Variants in LAPTM4B observed in about 807,000 individuals in gnomAD.
LAPTM4B encodes lysosomal-associated transmembrane protein 4B.
LAPTM4B carries 26 observed loss-of-function variants against 28.5 expected under a neutral mutation model. The observed-to-expected ratio is 0.91, with a 90% CI of 0.67 to 1.27. LAPTM4B has a LOEUF of 1.27. Among genes scored for constraint, LAPTM4B ranks in the 50% most tolerant of loss-of-function variants. The pLI is 0.00. For synonymous variants in LAPTM4B, 109 were observed against 106.4 expected, an observed-to-expected ratio of 1.02 and a Z score of -0.15; for missense variants, 288 against 285.8, an observed-to-expected ratio of 1.01 and a Z score of -0.06.
intron 5 of LAPTM4B, among the ~76,000 whole-genome samples, chr8:97,822,981 A>T (rs939544412): frequency 5.3e-4 from 80 of 152,052 alleles, no homozygotes; most frequent in Middle Eastern, 6.8e-3. Context: ...AGTTGGGACT[A>T]CAGGCGCCTG....
At chr8:97,807,028 A>T (rs1288193777) in intron 2 of LAPTM4B, among the ~76,000 whole-genome samples, 1 of 152,156 alleles carries the variant, frequency 6.6e-6, no homozygotes, top group Non-Finnish European at 1.5e-5. Context: ...AGGCCTCCCC[A>T]GCCATGTGGA....
intron 1 of LAPTM4B, among the ~76,000 whole-genome samples, chr8:97,800,254 C>CGG (rs569864558): frequency 6.6e-6 from 1 of 152,044 alleles, no homozygotes. Context: ...ACTGAGAGTG[C>CGG]GGGGAAAGCA....
chr8:97,784,451 G>GT (rs994042040), intron 1 of LAPTM4B, among the ~76,000 whole-genome samples: 1 of 152,040 alleles, frequency 6.6e-6, no homozygotes. Flanking sequence ...GTTTTGTTTT[G>GT]TTTTTTGAGA....
Position 97,845,021 on chromosome 8 carries a change from C to T in LAPTM4B, c.604-6376C>T, listed in dbSNP as rs142141972. Among the ~76,000 whole-genome samples the T allele has an allele frequency of 5.4e-3, 824 of 152,282 alleles. 5 individuals carry two copies. The highest frequency in any genetic ancestry group is 0.019 in the African/African-American group (783 of 41,556). ...CCCATCCTCCACTTTTTCACCCCAG[C>T]AGAAAGCACCCTCAACTCTTTCACT... On this transcript the variant is annotated intron_variant, in intron 6 of 6. Coordinates refer to ENST00000521545, the MANE Select transcript of LAPTM4B (RefSeq NM_018407.6).
intron 1 of LAPTM4B, among the ~76,000 whole-genome samples, chr8:97,792,619 G>A (rs932294553): frequency 1.3e-5 from 2 of 151,182 alleles, no homozygotes; most frequent in Non-Finnish European, 2.9e-5. Context: ...TCTCTCTGTA[G>A]CGCAGGCTGC....
intron 5 of LAPTM4B, among the ~76,000 whole-genome samples, chr8:97,824,601 T>A (rs1817065091): frequency 6.6e-6 from 1 of 152,208 alleles, no homozygotes; most frequent in South Asian, 2.1e-4. Flanking sequence ...CTATGAAATT[T>A]TTAAAAAAAT....
intron 6 of LAPTM4B, among the ~76,000 whole-genome samples, chr8:97,841,748 T>A (rs1817352513): frequency 6.6e-6 from 1 of 152,076 alleles, no homozygotes; most frequent in African/African-American, 2.4e-5. Flanking sequence ...CCCTTCCCTG[T>A]TTGGCTTAAG....
At chr8:97,794,342 C>T (rs1352375330) in intron 1 of LAPTM4B, among the ~76,000 whole-genome samples, 1 of 152,228 alleles carries the variant, frequency 6.6e-6, no homozygotes, top group South Asian at 2.1e-4. Flanking sequence ...GAACTTTTGG[C>T]CTCTAGCAGT....
At chr8:97,816,351 G>C (rs1197164777) in intron 4 of LAPTM4B, among the ~76,000 whole-genome samples, 171 bp downstream of exon 4, 1 of 151,158 alleles carries the variant, frequency 6.6e-6, no homozygotes, top group Non-Finnish European at 1.5e-5. Context: ...TCTTGCTCTC[G>C]TCACCCAGGC....
chr8:97,793,598 T>C (rs2129745544), intron 1 of LAPTM4B, among the ~76,000 whole-genome samples: 1 of 152,306 alleles, frequency 6.6e-6, no homozygotes, highest in South Asian at 2.1e-4. Flanking sequence ...TTTTGTAGGA[T>C]TTGACACTTC....
intron 2 of LAPTM4B, among the ~76,000 whole-genome samples, chr8:97,813,453 GGTCTTC>G (rs1373139288): frequency 2.1e-5 from 1 of 46,810 alleles, no homozygotes; most frequent in Non-Finnish European, 5.5e-5. Context: ...ATTGAGGGTG[GGTCTTC>G]GTCTCCCAGT....
chr8:97,787,212 A>C (rs1443975832), intron 1 of LAPTM4B, among the ~76,000 whole-genome samples: 1 of 151,972 alleles, frequency 6.6e-6, no homozygotes, highest in Non-Finnish European at 1.5e-5. Context: ...TGCACACATC[A>C]CTTTCACTTA....
intron 1 of LAPTM4B, among the ~76,000 whole-genome samples, chr8:97,796,101 G>A (rs756221305): frequency 3.0e-4 from 45 of 152,124 alleles, no homozygotes; most frequent in Non-Finnish European, 4.1e-4. Flanking sequence ...CACCCTATCC[G>A]CTTAGTTTTT....
chr8:97,810,199 G>A (rs1816806805), intron 2 of LAPTM4B, among the ~76,000 whole-genome samples: 1 of 152,088 alleles, frequency 6.6e-6, no homozygotes, highest in Admixed American at 6.6e-5. Context: ...TAGGATTACA[G>A]GCATGAGCCA....
At chr8:97,818,592 A>G (rs1027192324) in intron 4 of LAPTM4B, among the ~76,000 whole-genome samples, 2 of 152,230 alleles carry the variant, frequency 1.3e-5, no homozygotes, top group African/African-American at 2.4e-5. Flanking sequence ...ACTTGCTAGT[A>G]TAAGAGAATA....
chr8:97,786,527 C>T (rs1459797798), intron 1 of LAPTM4B, among the ~76,000 whole-genome samples: 1 of 151,686 alleles, frequency 6.6e-6, no homozygotes, highest in East Asian at 1.9e-4. Context: ...CATAGTGAAA[C>T]TCCATCTCTA....
intron 5 of LAPTM4B, 82 bp from the exon 6 acceptor site, chr8:97,824,976 A>G: frequency 1.3e-6 from 1 of 764,566 alleles, no homozygotes; most frequent in South Asian, 1.6e-5. Context: ...TAAAAGTTTT[A>G]TAATATGGCT....
At chr8:97,783,382 C>G (rs1218985137) in intron 1 of LAPTM4B, among the ~76,000 whole-genome samples, 2 of 151,974 alleles carry the variant, frequency 1.3e-5, no homozygotes, top group Non-Finnish European at 2.9e-5. Flanking sequence ...TCCTTGTTTA[C>G]TCAAGTAAAG....
At chr8:97,796,055 T>C (rs2129750604) in intron 1 of LAPTM4B, among the ~76,000 whole-genome samples, 1 of 29,568 alleles carries the variant, frequency 3.4e-5, no homozygotes, top group African/African-American at 7.6e-5. Flanking sequence ...TCCTCTTGCC[T>C]TGGCCCCCCC....
Sources: allele counts gnomAD v4.1 joint callset (sites outside exome capture counted in the v4.1 genomes callset), GRCh38; gene constraint gnomAD v4.1.1; transcripts MANE v1.5; gene names NCBI Gene and HGNC (gene_info 2026-07-23, HGNC 2026-07-21).